The following LRRC4C variants were observed in gnomAD, a reference collection of about 807,000 sequenced individuals.
LRRC4C encodes leucine-rich repeat-containing protein 4C.
A neutral mutation model predicts 33.6 loss-of-function variants in LRRC4C; 5 were observed. That is an observed-to-expected ratio of 0.15 (90% confidence interval 0.08 to 0.31). LRRC4C has a LOEUF of 0.31. Among genes scored for constraint, LRRC4C ranks in the 10% least tolerant of loss-of-function variants. The probability of loss-of-function intolerance (pLI) is 1.00; values close to 1 mark genes in which losing one functional copy is unlikely to be tolerated. For missense variants in LRRC4C, 560 were observed against 796.7 expected (o/e 0.70, Z 3.58); for synonymous variants, 329 against 302.0 (o/e 1.09, Z -0.93).
intron 1 of LRRC4C, among the ~76,000 whole-genome samples, chr11:41,328,518 T>G (rs1951193704): frequency 6.6e-6 from 1 of 152,142 alleles, no homozygotes; most frequent in Non-Finnish European, 1.5e-5. Flanking sequence ...AGGCCAACAC[T>G]GCTCTGTCAA....
At chr11:40,538,290 C>T (rs890150496) in intron 3 of LRRC4C, among the ~76,000 whole-genome samples, 2 of 152,014 alleles carry the variant, frequency 1.3e-5, no homozygotes. Context: ...CCCTTCCCCC[C>T]AACCCACACA....
intron 3 of LRRC4C, among the ~76,000 whole-genome samples, chr11:40,593,452 T>C (rs983556237): frequency 2.0e-5 from 3 of 152,048 alleles, no homozygotes; most frequent in African/African-American, 7.2e-5. Context: ...CAGACACAAG[T>C]ATAAAGACAC....
At chr11:40,270,055 C>G (rs1272967515) in intron 4 of LRRC4C, among the ~76,000 whole-genome samples, 2 of 152,282 alleles carry the variant, frequency 1.3e-5, no homozygotes, top group East Asian at 3.9e-4. Flanking sequence ...CCCTACGCCT[C>G]CCATACTGGG....
At chr11:40,930,464 G>A (rs1284249606) in intron 2 of LRRC4C, among the ~76,000 whole-genome samples, 1 of 152,140 alleles carries the variant, frequency 6.6e-6, no homozygotes, top group African/African-American at 2.4e-5. Context: ...TAGAATTCGG[G>A]GTCCTTCTGA....
At chr11:41,174,666 A>G (rs2136114012) in intron 1 of LRRC4C, among the ~76,000 whole-genome samples, 1 of 152,218 alleles carries the variant, frequency 6.6e-6, no homozygotes, top group South Asian at 2.1e-4. Flanking sequence ...TGCATTTTGA[A>G]CACACACATT....
chr11:40,216,384 G>T (rs1198146974), intron 5 of LRRC4C, among the ~76,000 whole-genome samples: 2 of 152,104 alleles, frequency 1.3e-5, no homozygotes, highest in African/African-American at 4.8e-5. Flanking sequence ...AGACTGATCT[G>T]ACCATTTCAT....
intron 3 of LRRC4C, among the ~76,000 whole-genome samples, chr11:40,399,851 G>A (rs576272413): frequency 1.3e-4 from 20 of 151,998 alleles, no homozygotes; most frequent in Non-Finnish European, 2.2e-4. Context: ...AAACGGGGCA[G>A]TTTAGTCTAT....
chr11:41,280,889 G>A (rs975193122), intron 1 of LRRC4C, among the ~76,000 whole-genome samples: 2 of 152,094 alleles, frequency 1.3e-5, no homozygotes, highest in African/African-American at 4.8e-5. Context: ...GAAGCAAATA[G>A]CATTTTGTCA....
chr11:40,116,885 G>T (rs1855477534), intron 6 of LRRC4C, among the ~76,000 whole-genome samples: 1 of 152,170 alleles, frequency 6.6e-6, no homozygotes, highest in African/African-American at 2.4e-5. Flanking sequence ...TATAAAAAAA[G>T]TGTTAATAAT....
chr11:40,864,551 G>C (rs1954261137), intron 2 of LRRC4C, among the ~76,000 whole-genome samples: 2 of 152,180 alleles, frequency 1.3e-5, no homozygotes, highest in South Asian at 2.1e-4. Flanking sequence ...GAGAAACGTT[G>C]ATGACTCCTG....
chr11:40,551,509 C>T (rs574484958), intron 3 of LRRC4C, among the ~76,000 whole-genome samples: 1 of 152,178 alleles, frequency 6.6e-6, no homozygotes, highest in East Asian at 1.9e-4. Context: ...GTGATCCCTA[C>T]CCGGGACTCC....
chr11:40,340,557 GTAA>G (rs1486716197), intron 3 of LRRC4C, among the ~76,000 whole-genome samples: 2 of 152,182 alleles, frequency 1.3e-5, no homozygotes, highest in Non-Finnish European at 2.9e-5. Context: ...TGTGATAAAA[GTAA>G]TAATAACCTT....
chr11:40,440,050 A>G (rs903928229), intron 3 of LRRC4C, among the ~76,000 whole-genome samples: 2 of 152,204 alleles, frequency 1.3e-5, no homozygotes, highest in East Asian at 3.8e-4. Context: ...TGCAATAGAG[A>G]TAGTCTGGCC....
intron 3 of LRRC4C, among the ~76,000 whole-genome samples, chr11:40,396,708 AT>A (rs1949554855): frequency 6.6e-6 from 1 of 152,158 alleles, no homozygotes; most frequent in Non-Finnish European, 1.5e-5. Flanking sequence ...AATAAAGGAA[AT>A]AACATACATT....
At chr11:40,786,082 A>G (rs987797597) in intron 2 of LRRC4C, among the ~76,000 whole-genome samples, 1 of 152,194 alleles carries the variant, frequency 6.6e-6, no homozygotes, top group Admixed American at 6.5e-5. Flanking sequence ...ACTCATACGA[A>G]CGATGAAAGA....
chr11:40,156,550 A>G (rs568194698), intron 5 of LRRC4C, among the ~76,000 whole-genome samples: 1 of 152,278 alleles, frequency 6.6e-6, no homozygotes, highest in Admixed American at 6.5e-5. Flanking sequence ...CTATACACCA[A>G]CAGAAACCAA....
chr11:40,193,010 GCAGCTGTGGGTGCAGCTT>G (rs1465086107), intron 5 of LRRC4C, among the ~76,000 whole-genome samples: 1 of 152,204 alleles, frequency 6.6e-6, no homozygotes, highest in Admixed American at 6.5e-5. Flanking sequence ...GGGGGAAGGG[GCAGCTGTGGGTGCAGCTT>G]CAGCAGACTT....
chr11:41,295,648 G>A (rs918315420), intron 1 of LRRC4C, among the ~76,000 whole-genome samples: 3 of 151,602 alleles, frequency 2.0e-5, no homozygotes, highest in Non-Finnish European at 2.9e-5. Context: ...CTGACTCCGG[G>A]AACTTCATTC....
intron 2 of LRRC4C, among the ~76,000 whole-genome samples, chr11:40,719,243 A>G (rs900683433): frequency 6.6e-6 from 1 of 152,234 alleles, no homozygotes; most frequent in African/African-American, 2.4e-5. Flanking sequence ...AAAGAGGAGA[A>G]AAACACCAAT....
Sources: gnomAD v4.1 joint callset for allele counts (sites outside exome capture counted in the v4.1 genomes callset) on GRCh38, gnomAD v4.1.1 for gene constraint, MANE v1.5 for transcripts, NCBI Gene and HGNC (gene_info 2026-07-23, HGNC 2026-07-21) for gene names.